CHL1: variants seen among roughly 807,000 people sequenced by gnomAD.
CHL1 encodes the protein cell adhesion molecule L1 like, also known as neural cell adhesion molecule L1-like protein.
In CHL1, 96 loss-of-function variants were observed where a neutral mutation model predicts 141.9. The observed-to-expected ratio is 0.68, with a 90% confidence interval of 0.57 to 0.80. The LOEUF (loss-of-function observed/expected upper bound fraction) is 0.80, where lower values mean the gene tolerates loss of function less well. CHL1 is among the 30% of genes least tolerant of loss of function. CHL1 has a pLI of 0.00. For missense variants in CHL1, 1,820 were observed against 1,457.2 expected, an observed-to-expected ratio of 1.25 and a Z score of -4.05; for synonymous variants, 613 against 502.2, an observed-to-expected ratio of 1.22 and a Z score of -2.95.
rs1382778558 is a variant in CHL1 at position 343,051 on chromosome 3, A to G, written c.727+20A>G. The G allele has an allele frequency of 6.3e-7, 1 of 1,595,404 alleles. No individual in the cohort carries two copies. Among genetic ancestry groups the G allele is most frequent in the East Asian group, 2.3e-5 (1 of 44,386 alleles). ...CCAAGGGTAAGTTGAACCCATGTGG[A>G]GTGTTGGCATTTGTGTATAGCTCAT... On this transcript the variant is annotated intron_variant, in intron 8 of 27. Transcript: ENST00000256509.
At chr3:335,982 T>C (rs1423261689) in intron 5 of CHL1, among the ~76,000 whole-genome samples, 2 of 152,216 alleles carry the variant, frequency 1.3e-5, no homozygotes, top group South Asian at 2.1e-4. Context: ...AATCGATTCA[T>C]GTGAAATATT....
intron 2 of CHL1, chr3:248,074 A>T (rs1693340189): frequency 6.6e-6 from 1 of 152,052 alleles, no homozygotes; most frequent in African/African-American, 2.4e-5. Flanking sequence ...CAGAAGCCTC[A>T]CATTTCTTCC....
At chr3:240,837 A>G (rs1340910231) in intron 1 of CHL1, among the ~76,000 whole-genome samples, 1 of 144,452 alleles carries the variant, frequency 6.9e-6, no homozygotes, top group Non-Finnish European at 1.5e-5. Context: ...TCGCAGCATC[A>G]TTTGTTAAAT....
chr3:278,612 C>T (rs1696363405), intron 2 of CHL1, among the ~76,000 whole-genome samples: 1 of 152,112 alleles, frequency 6.6e-6, no homozygotes, highest in Admixed American at 6.6e-5. Flanking sequence ...GTTTGATGCG[C>T]TGCTTTTTTT....
In CHL1 at chr3:319,801, G is replaced by A. The variant is rs764931424; in HGVS notation, c.25G>A (p.Gly9Arg). The A allele has an allele frequency of 3.7e-6, 6 of 1,607,026 alleles. No homozygotes were observed. Among genetic ancestry groups the A allele is most frequent in the Non-Finnish European group, 4.3e-6 (5 of 1,175,500 alleles). Residue 9 changes from glycine to arginine, a missense_variant, in exon 3 of 28, where the codon GGA (glycine) becomes AGA (arginine). Physicochemically the swap from Gly to Arg is moderately radical, Grantham distance 125. Transcript: ENST00000256509. MEPLLLGRGLIVYLMFLLL... is the reference protein window; with the variant it reads MEPLLLGRRLIVYLMFLLL... ...AATGGAGCCGCTTTTACTTGGAAGA[G>A]GACTAATCGTATATCTAATGTTCCT...
intron 27 of CHL1, among the ~76,000 whole-genome samples, chr3:405,084 C>A (rs1709430423): frequency 6.6e-6 from 1 of 152,124 alleles, no homozygotes; most frequent in Non-Finnish European, 1.5e-5. Flanking sequence ...GGCCTAATCA[C>A]TTCCCAAAGA....
In CHL1 at chr3:391,741, G is replaced by A. The variant is rs367930358; in HGVS notation, c.2858G>A (p.Gly953Glu). ...AAAGACACTGCCACTTTATCTTGGG[G>A]ACTACCTAAGAAATTAAATGGAAAC... ...VDKDTATLSW[G>E]LPKKLNGNLT... Residue 953 changes from glycine (G) to glutamate (E), a missense_variant, in exon 23 of 28, where the codon GGA (glycine) becomes GAA (glutamate). By Grantham distance (98) the Gly-to-Glu change is moderately conservative. Transcript: ENST00000256509. 7.8e-5 allele frequency: 125 copies of A among 1,597,858 alleles called. No individual in the cohort carries two copies. Among genetic ancestry groups the A allele is most frequent in the African/African-American group, 4.8e-4 (36 of 74,342 alleles).
chr3:379,435 A>G (rs1365503399), intron 16 of CHL1, among the ~76,000 whole-genome samples: 1 of 152,134 alleles, frequency 6.6e-6, no homozygotes, highest in Non-Finnish European at 1.5e-5. Flanking sequence ...TTAATCCCCT[A>G]GGATGATTTC....
At chr3:357,326 A>G (rs1476356380) in intron 11 of CHL1, among the ~76,000 whole-genome samples, 1 of 152,234 alleles carries the variant, frequency 6.6e-6, no homozygotes, top group East Asian at 1.9e-4. Context: ...TAGAGGTTAT[A>G]TATCCTTTCC....
intron 11 of CHL1, among the ~76,000 whole-genome samples, chr3:356,410 T>C (rs934482019): frequency 7.9e-5 from 12 of 152,174 alleles, no homozygotes; most frequent in African/African-American, 2.2e-4. Context: ...CATTCAATAA[T>C]ATTTATGGGG....
intron 1 of CHL1, among the ~76,000 whole-genome samples, chr3:232,609 T>C (rs2125048205): frequency 6.6e-6 from 1 of 152,284 alleles, no homozygotes; most frequent in Non-Finnish European, 1.5e-5. Context: ...AGATATTTTT[T>C]ACAGATCGAA....
At chr3:365,240 G>A (rs57436581) in intron 14 of CHL1, among the ~76,000 whole-genome samples, 2,488 of 152,290 alleles carry the variant, frequency 0.016, 54 homozygotes, top group African/African-American at 0.055. Flanking sequence ...AGGATTGCAC[G>A]TTTTGAAACA....
intron 2 of CHL1, among the ~76,000 whole-genome samples, chr3:275,520 G>A (rs546933057): frequency 9.2e-5 from 14 of 152,254 alleles, no homozygotes; most frequent in African/African-American, 3.4e-4. Context: ...AATTGTTTTA[G>A]GTGCTATCTG....
chr3:398,457 G>C (rs763973113), intron 25 of CHL1, 72 bp downstream of exon 25: 2 of 888,096 alleles, frequency 2.3e-6, no homozygotes, highest in Admixed American at 4.7e-5. Flanking sequence ...TGTTGCCTGT[G>C]TCCTATATTA....
At position 253,465 on chromosome 3, in the gene CHL1, G is replaced by A. The variant is rs375811923; in HGVS notation, c.-95+8773G>A. On this transcript the variant is annotated intron_variant, in intron 2 of 27. Transcript: ENST00000256509. ...GGTGTTTGGGTTTCTGGATCCAGGG[G>A]TCCCTGTAGCTGGTTCCCTCTCTAC... Among the ~76,000 whole-genome samples the A allele has an allele frequency of 7.9e-4, 121 of 152,262 alleles. 1 individual carries two copies. Among genetic ancestry groups the A allele is most frequent in the Non-Finnish European group, 1.5e-3 (104 of 68,026 alleles).
At chr3:352,708 A>G (rs1051608878) in intron 10 of CHL1, among the ~76,000 whole-genome samples, 1 of 152,198 alleles carries the variant, frequency 6.6e-6, no homozygotes, top group Non-Finnish European at 1.5e-5. Context: ...TATAGGAGAA[A>G]TGGATGAAAA....
At chr3:256,428 C>T (rs1331365250) in intron 2 of CHL1, among the ~76,000 whole-genome samples, 1 of 152,154 alleles carries the variant, frequency 6.6e-6, no homozygotes, top group East Asian at 1.9e-4. Flanking sequence ...CAACTCAGTA[C>T]CTTTGGTTTG....
chr3:376,556 G>A (rs774049363), intron 15 of CHL1: 2 of 362,896 alleles, frequency 5.5e-6, no homozygotes, highest in Non-Finnish European at 1.1e-5. Flanking sequence ...CAAAAAAATT[G>A]GTAGCTTTCT....
intron 2 of CHL1, among the ~76,000 whole-genome samples, chr3:251,785 T>A (rs990864085): frequency 1.3e-5 from 2 of 152,128 alleles, no homozygotes; most frequent in Non-Finnish European, 2.9e-5. Flanking sequence ...AATCCACACT[T>A]AGAAGTTTCT....
Sources: allele counts gnomAD v4.1 joint callset (sites outside exome capture counted in the v4.1 genomes callset), GRCh38; gene constraint gnomAD v4.1.1; transcripts MANE v1.5; gene names NCBI Gene and HGNC (gene_info 2026-07-23, HGNC 2026-07-21).